YLPM1: variants seen among roughly 807,000 people sequenced by gnomAD.
YLPM1 encodes YLP motif containing 1.
Under a neutral mutation model 230.0 loss-of-function variants are expected in YLPM1, and 99 were observed. The ratio of observed to expected loss-of-function variants is 0.43; its 90% confidence interval spans 0.37 to 0.51. YLPM1 has a LOEUF of 0.51. YLPM1 is among the 20% of genes least tolerant of loss of function. YLPM1 has a pLI of 0.00. For missense variants in YLPM1, 2,592 were observed against 2,707.7 expected (o/e 0.96, Z 0.95); for synonymous variants, 984 against 942.5 (o/e 1.04, Z -0.81).
rs1200264555 is a variant in YLPM1, at chr14:74,812,663, C to G, written c.5383C>G (p.Leu1795Val). The change falls in exon 11 of 21, where the codon CTG (leucine) becomes GTG (valine). Residue 1795 changes from leucine (L) to valine (V), a missense_variant. Leu to Val is a conservative substitution (Grantham distance 32). Transcript: ENST00000325680. ...GACTTATCCTGAGGAGCGAATGCCT[C>G]TGCCAGCTCCTTCACTGAGCCACCA... ...RRTYPEERMP[L>V]PAPSLSHQPP... 2 of 1,613,624 alleles carry G rather than the reference C, an allele frequency of 1.2e-6. No homozygotes were observed. Among genetic ancestry groups the G allele is most frequent in the African/African-American group, 1.3e-5 (1 of 75,018 alleles).
At position 74,799,610 on chromosome 14, in the gene YLPM1, C is replaced by T; in HGVS notation, c.4313C>T (p.Ser1438Phe). 6.2e-7 allele frequency: 1 copy of T among 1,613,956 alleles called. No homozygotes were observed. Residue 1438 changes from serine (S) to phenylalanine (F), a missense_variant, in exon 5 of 21, where the codon TCT (serine) becomes TTT (phenylalanine). Ser to Phe is a radical substitution (Grantham distance 155). Coordinates refer to ENST00000325680, the MANE Select transcript of YLPM1 (RefSeq NM_019589.3). ...ATGGGGTCCGATGCAAGCTTAGACTCTGACCAAGGCCTTGGAGGGGTAATG... is the reference window on the plus strand; with the variant it reads ...ATGGGGTCCGATGCAAGCTTAGACTTTGACCAAGGCCTTGGAGGGGTAATG... ...EMMGSDASLD[S>F]DQGLGGVMVL...
rs747188254 is a variant in YLPM1 at position 74,798,851 on chromosome 14, G to A, written c.3554G>A (p.Arg1185Gln). ...GGGGAAAAAATGTATCCATATCACC[G>A]GGATGAGCCTCCTAGGGCTCCATGG... ...DGGEKMYPYH[R>Q]DEPPRAPWNH... Residue 1185 changes from arginine (R) to glutamine (Q), a missense_variant, in exon 5 of 21, where the codon CGG becomes CAG. This residue lies in a region of YLPM1 where 1,862 missense variants were observed against 1,819.8 expected (regional missense o/e 1.02). Transcript: ENST00000325680. 5.0e-6 allele frequency: 8 copies of A among 1,613,882 alleles called. No homozygotes were observed. The highest frequency in any genetic ancestry group is 1.1e-5 in the South Asian group (1 of 91,072).
At chr14:74,806,078 C>T (rs181321573) in intron 6 of YLPM1, among the ~76,000 whole-genome samples, 21 of 149,648 alleles carry the variant, frequency 1.4e-4, no homozygotes, top group African/African-American at 5.1e-4. Context: ...GTATAATGGC[C>T]GGGTGTGGTG....
chr14:74,788,314 G>T (rs943563680), intron 4 of YLPM1, among the ~76,000 whole-genome samples: 1 of 152,054 alleles, frequency 6.6e-6, no homozygotes, highest in Non-Finnish European at 1.5e-5. Flanking sequence ...TAGAGACGGG[G>T]TTTCACCGTG....
At chr14:74,833,828 T>C (rs2091624884) in intron 19 of YLPM1, among the ~76,000 whole-genome samples, 1 of 152,178 alleles carries the variant, frequency 6.6e-6, no homozygotes, top group Non-Finnish European at 1.5e-5. Flanking sequence ...TGGTAATTAG[T>C]GTACATTAGA....
At chr14:74,830,712 G>A (rs2091602232) in intron 19 of YLPM1, among the ~76,000 whole-genome samples, 1 of 152,178 alleles carries the variant, frequency 6.6e-6, no homozygotes, top group South Asian at 2.1e-4. Flanking sequence ...CAATTATGGT[G>A]GAAGACAAGG....
chr14:74,800,835 C>T (rs941553232), intron 5 of YLPM1, among the ~76,000 whole-genome samples: 14 of 152,134 alleles, frequency 9.2e-5, no homozygotes, highest in Admixed American at 2.6e-4. Context: ...TAACACCTAC[C>T]GTGTAACTGG....
chr14:74,823,605 A>C (rs1211124806), intron 17 of YLPM1, among the ~76,000 whole-genome samples: 1 of 152,110 alleles, frequency 6.6e-6, no homozygotes, highest in African/African-American at 2.4e-5. Flanking sequence ...TTTAAAAAAC[A>C]TCAGAAATAA....
intron 1 of YLPM1, 136 bp downstream of exon 1, chr14:74,764,498 C>G (rs2090891916): frequency 6.6e-6 from 8 of 1,213,762 alleles, no homozygotes; most frequent in Non-Finnish European, 8.9e-6. Flanking sequence ...CCGTAAGAGT[C>G]AGAGGGCTGA....
rs533434550 is a variant in YLPM1 at position 74,815,875 on chromosome 14, C to G, written c.5503-328C>G. Among the ~76,000 whole-genome samples, 6 of 152,070 alleles carry G rather than the reference C, an allele frequency of 3.9e-5. No individual in the cohort carries two copies. The South Asian group carries it at 1.2e-3, about 32-fold the overall frequency. ...TTTTTCATTCATCTCAGAGTATTTT[C>G]TGGTTCCTCCTGGTTTCTGGCTCCT... On this transcript the variant is annotated intron_variant, in intron 11 of 20. Coordinates refer to ENST00000325680, the MANE Select transcript of YLPM1 (RefSeq NM_019589.3).
intron 1 of YLPM1, among the ~76,000 whole-genome samples, chr14:74,774,993 T>C (rs2091019824): frequency 6.6e-6 from 1 of 152,180 alleles, no homozygotes; most frequent in Non-Finnish European, 1.5e-5. Flanking sequence ...TGAATACATA[T>C]CACTTTCACA....
At position 74,812,719 on chromosome 14, in the gene YLPM1, G is replaced by T; in HGVS notation, c.5439G>T (p.Lys1813Asn). The T allele has an allele frequency of 6.2e-7, 1 of 1,613,628 alleles. No homozygotes were observed. The highest frequency in any genetic ancestry group is 8.5e-7 in the Non-Finnish European group (1 of 1,179,736). The change falls in exon 11 of 21, where the codon AAG (lysine) becomes AAT (asparagine). Residue 1813 changes from lysine (K) to asparagine (N), a missense_variant. Physicochemically the swap from Lys to Asn is moderately conservative, Grantham distance 94. Transcript: ENST00000325680. ...QPPPAPRVEK[K>N]PESKNVDDIL... ...CTCCAGCTCCACGAGTCGAGAAGAAGCCTGAATCAAAGAATGTGGACGATA... is the reference window on the plus strand; with the variant it reads ...CTCCAGCTCCACGAGTCGAGAAGAATCCTGAATCAAAGAATGTGGACGATA...
chr14:74,823,195 A>G (rs979834170), intron 17 of YLPM1, among the ~76,000 whole-genome samples: 22 of 152,122 alleles, frequency 1.4e-4, no homozygotes, highest in Admixed American at 5.2e-4. Flanking sequence ...GAAATCTTCA[A>G]AATGCTTTGT....
chr14:74,788,669 C>T (rs557703714), intron 4 of YLPM1, among the ~76,000 whole-genome samples: 2 of 152,042 alleles, frequency 1.3e-5, no homozygotes, highest in African/African-American at 2.4e-5. Context: ...CATAGTGAGA[C>T]CCTGTCTCTA....
At chr14:74,834,943 G>A (rs763629560) in intron 19 of YLPM1, 21 of 219,272 alleles carry the variant, frequency 9.6e-5, no homozygotes, top group Non-Finnish European at 1.2e-4. Context: ...AGACTAGGTA[G>A]AGATTAGTGC....
chr14:74,782,815 C>T (rs1052754472), intron 4 of YLPM1, among the ~76,000 whole-genome samples: 9 of 152,086 alleles, frequency 5.9e-5, no homozygotes, highest in Non-Finnish European at 1.3e-4. Flanking sequence ...AGTTCCTGCT[C>T]TTGTACTTAG....
chr14:74,835,495 A>G (rs542828590), intron 20 of YLPM1, 48 bp downstream of exon 20: 88 of 1,512,322 alleles, frequency 5.8e-5, no homozygotes, highest in Admixed American at 2.3e-4. Flanking sequence ...GTTGCTTCAA[A>G]GGGTTTGAGA....
chr14:74,817,915 G>A (rs1323709000), intron 15 of YLPM1, among the ~76,000 whole-genome samples: 2 of 151,884 alleles, frequency 1.3e-5, no homozygotes, highest in Admixed American at 6.6e-5. Context: ...AATTAGCTGG[G>A]CATGGTGTCA....
At chr14:74,779,641 CTT>C (rs10715703) in intron 2 of YLPM1, among the ~76,000 whole-genome samples, 338 of 140,370 alleles carry the variant, frequency 2.4e-3, no homozygotes, top group Middle Eastern at 7.4e-3. Context: ...TTAAGGTTCA[CTT>C]TTTTTTTTTT....
Sources: allele counts gnomAD v4.1 joint callset (sites outside exome capture counted in the v4.1 genomes callset), GRCh38; gene constraint gnomAD v4.1.1; regional missense constraint gnomAD v4.1.1; transcripts MANE v1.5; gene names NCBI Gene and HGNC (gene_info 2026-07-23, HGNC 2026-07-21).